Variants in HVCN1 observed in about 807,000 individuals in gnomAD.
HVCN1 encodes voltage-gated hydrogen channel 1.
In HVCN1, 14 loss-of-function variants were observed where a neutral mutation model predicts 29.2. The ratio of observed to expected loss-of-function variants is 0.48; its 90% confidence interval spans 0.32 to 0.75. HVCN1 has a LOEUF of 0.75. Among genes scored for constraint, HVCN1 ranks in the 30% least tolerant of loss-of-function variants. The pLI is 0.04. For synonymous variants in HVCN1, 131 were observed against 133.2 expected (o/e 0.98, Z 0.11); for missense variants, 263 against 341.8 (o/e 0.77, Z 1.82).
upstream of HVCN1, among the ~76,000 whole-genome samples, chr12:110,693,139 C>CA (rs1035175720): frequency 1.3e-5 from 2 of 152,036 alleles, no homozygotes; most frequent in Non-Finnish European, 1.5e-5. Context: ...TCAGCCTCCC[C>CA]AAATTTTTTT....
chr12:110,662,574 G>A lies in HVCN1; in HGVS notation c.22-1126C>T, dbSNP rs147325331. 7.2e-3 allele frequency among the ~76,000 whole-genome samples: 1,103 copies of A among 152,222 alleles called. 1 individual carries two copies. Among genetic ancestry groups the A allele is most frequent in the Non-Finnish European group, 9.4e-3 (640 of 68,012 alleles). On this transcript the variant is annotated intron_variant, in intron 3 of 7. Coordinates refer to ENST00000242607, the MANE Select transcript of HVCN1 (RefSeq NM_032369.4). ...ACAAAAATTAGCTGGGTATAGTGGC[G>A]CATGCCTGTAATCCCAGCTACTCAG... is the stretch of plus-strand genomic sequence containing the variant.
At chr12:110,652,945 G>T (rs1020115871) in intron 5 of HVCN1, among the ~76,000 whole-genome samples, 2 of 152,170 alleles carry the variant, frequency 1.3e-5, no homozygotes, top group Non-Finnish European at 2.9e-5. Flanking sequence ...GGCGTGGTGT[G>T]CCTCCTGAAA....
At chr12:110,650,081 G>T in intron 7 of HVCN1, 87 bp downstream of exon 7, 1 of 826,860 alleles carries the variant, frequency 1.2e-6, no homozygotes. Context: ...CGGACCTCAG[G>T]TGCTCCACCT....
At position 110,677,924 on chromosome 12, in the gene HVCN1, G is replaced by A. The variant is rs142208490; in HGVS notation, c.21+5301C>T. On this transcript the variant is annotated intron_variant, in intron 3 of 7. Coordinates refer to ENST00000242607, the MANE Select transcript of HVCN1 (RefSeq NM_032369.4). ...AACCCTCCTGCCTGATAGATGAGCCGGTCAGCCTGGTGAGATGATGGCAGG... is the reference window on the plus strand; with the variant it reads ...AACCCTCCTGCCTGATAGATGAGCCAGTCAGCCTGGTGAGATGATGGCAGG... 7.1e-3 allele frequency among the ~76,000 whole-genome samples: 1,075 copies of A among 152,286 alleles called. 1 individual carries two copies. The highest frequency in any genetic ancestry group is 9.4e-3 in the Non-Finnish European group (639 of 68,014).
intron 3 of HVCN1, among the ~76,000 whole-genome samples, chr12:110,674,171 A>G (rs1403212739): frequency 1.3e-5 from 2 of 152,210 alleles, no homozygotes; most frequent in East Asian, 3.8e-4. Flanking sequence ...GTCAAAGGAG[A>G]TCATTTTGAA....
chr12:110,683,909 T>TA (rs766895530), intron 2 of HVCN1, among the ~76,000 whole-genome samples: 8,188 of 67,508 alleles, frequency 0.12, 589 homozygotes, highest in African/African-American at 0.28. Flanking sequence ...AGACTCTATC[T>TA]AAAAAAAAAA....
At position 110,648,899 on chromosome 12, in the gene HVCN1, G is replaced by A. The variant is rs1228600737; in HGVS notation, c.*511C>T. 5 of 399,710 alleles carry A rather than the reference G, an allele frequency of 1.3e-5. No homozygotes were observed. Among genetic ancestry groups the A allele is most frequent in the Non-Finnish European group, 2.4e-5 (5 of 208,870 alleles). The allele number at this position is 399,710 out of a possible 1,614,324, so 24.8% of individuals were successfully genotyped here. A position where few individuals can be genotyped will look rare whatever the true frequency, so the allele number is the denominator to read the frequency against. The stretch of plus-strand genomic sequence containing the variant: ...AAACAATGGAGCCACCTAGAAGCTG[G>A]CTGATGCAGCTGGGGCACACAGAGG... On this transcript the variant is annotated 3_prime_UTR_variant, in exon 8 of 8. Coordinates refer to ENST00000242607, the MANE Select transcript of HVCN1 (RefSeq NM_032369.4).
At chr12:110,687,742 C>T (rs1021689979) in intron 2 of HVCN1, among the ~76,000 whole-genome samples, 1 of 152,012 alleles carries the variant, frequency 6.6e-6, no homozygotes, top group African/African-American at 2.4e-5. Context: ...GGACGAGGAG[C>T]GGGGTGGTGG....
intron 3 of HVCN1, among the ~76,000 whole-genome samples, chr12:110,666,021 A>G (rs1483711391): frequency 7.4e-6 from 1 of 134,912 alleles, no homozygotes; most frequent in African/African-American, 3.0e-5. Context: ...AAAAAGAAGG[A>G]AAAAAAAAAA....
At chr12:110,659,934 C>T (rs911503441) in intron 4 of HVCN1, among the ~76,000 whole-genome samples, 1 of 151,848 alleles carries the variant, frequency 6.6e-6, no homozygotes, top group Admixed American at 6.6e-5. Context: ...GGTGTGGTGG[C>T]AGGCACCTGT....
At chr12:110,683,307 G>A in intron 2 of HVCN1, 43 bp from the exon 3 acceptor site, 3 of 1,573,868 alleles carry the variant, frequency 1.9e-6, no homozygotes, top group Non-Finnish European at 2.6e-6. Context: ...TCATCTTGCT[G>A]CCATCTGCCT....
At chr12:110,686,168 T>A (rs1421644690) in intron 2 of HVCN1, among the ~76,000 whole-genome samples, 1 of 150,948 alleles carries the variant, frequency 6.6e-6, no homozygotes, top group Non-Finnish European at 1.5e-5. Context: ...CCAGCTAAAA[T>A]TTTTTTTTGT....
At chr12:110,704,362 G>A (rs1217820465) in intron 1 of HVCN1, among the ~76,000 whole-genome samples, 1 of 152,084 alleles carries the variant, frequency 6.6e-6, no homozygotes. Context: ...ACAAAAAATA[G>A]TGTGGGCCAG....
intron 3 of HVCN1, among the ~76,000 whole-genome samples, chr12:110,667,683 C>T (rs1341493316): frequency 1.3e-5 from 2 of 152,182 alleles, no homozygotes; most frequent in African/African-American, 4.8e-5. Context: ...CCACCCGCCT[C>T]GGCCTCCCAA....
At chr12:110,651,971 C>T (rs999005599) in intron 5 of HVCN1, among the ~76,000 whole-genome samples, 3 of 152,190 alleles carry the variant, frequency 2.0e-5, no homozygotes, top group Admixed American at 6.5e-5. Flanking sequence ...AGTTTGAGGC[C>T]AGTCTGGGCA....
chr12:110,669,996 C>A (rs961217620), intron 3 of HVCN1, among the ~76,000 whole-genome samples: 2 of 152,058 alleles, frequency 1.3e-5, no homozygotes, highest in African/African-American at 2.4e-5. Context: ...TGCACTCCAG[C>A]CTGGGTGACA....
upstream of HVCN1, among the ~76,000 whole-genome samples, chr12:110,693,871 C>T (rs1302158439): frequency 1.3e-5 from 2 of 152,176 alleles, no homozygotes; most frequent in African/African-American, 2.4e-5. Flanking sequence ...CCCCAGATGT[C>T]AAAGGCCCCA....
At chr12:110,690,167 G>A (rs572182982), upstream of HVCN1, among the ~76,000 whole-genome samples, 1 of 152,184 alleles carries the variant, frequency 6.6e-6, no homozygotes, top group Non-Finnish European at 1.5e-5. Context: ...TTCCCGGCTG[G>A]AGAGGTGCCT....
At chr12:110,670,437 A>G (rs1382717523) in intron 3 of HVCN1, among the ~76,000 whole-genome samples, 1 of 152,214 alleles carries the variant, frequency 6.6e-6, no homozygotes, top group Non-Finnish European at 1.5e-5. Context: ...TCTAAGACAC[A>G]ATGGCAGCAA....
Sources: allele counts gnomAD v4.1 joint callset (sites outside exome capture counted in the v4.1 genomes callset), GRCh38; gene constraint gnomAD v4.1.1; transcripts MANE v1.5; gene names NCBI Gene and HGNC (gene_info 2026-07-23, HGNC 2026-07-21).